GCNT2: variants seen among roughly 807,000 people sequenced by gnomAD.
The protein encoded by GCNT2 is glucosaminyl (N-acetyl) transferase 2 (I blood group), also known as N-acetyllactosaminide beta-1,6-N-acetylglucosaminyl-transferase.
GCNT2 carries 34 observed loss-of-function variants against 34.2 expected under a neutral mutation model. That is an observed-to-expected ratio of 1.00 (90% confidence interval 0.76 to 1.32). The LOEUF is 1.32. Among genes scored for constraint, GCNT2 ranks in the 40% most tolerant of loss-of-function variants. The probability of loss-of-function intolerance (pLI) is 0.00; values close to 1 mark genes in which losing one functional copy is unlikely to be tolerated. For synonymous variants in GCNT2, 212 were observed against 188.0 expected, an observed-to-expected ratio of 1.13 and a Z score of -1.04; for missense variants, 584 against 489.4, an observed-to-expected ratio of 1.19 and a Z score of -1.82.
At chr6:10,561,788 G>A (rs1322651300) in intron 3 of GCNT2, among the ~76,000 whole-genome samples, 4 of 147,986 alleles carry the variant, frequency 2.7e-5, no homozygotes, top group Non-Finnish European at 4.5e-5. Context: ...CATTTATTTC[G>A]TTTCCTTTTT....
chr6:10,585,031 C>CTGTGTG (rs1554133958), intron 3 of GCNT2, among the ~76,000 whole-genome samples: 1 of 97,264 alleles, frequency 1.0e-5, no homozygotes, highest in Non-Finnish European at 2.0e-5. Flanking sequence ...TTCCCATAGT[C>CTGTGTG]AGTGTGTGTG....
intron 3 of GCNT2, among the ~76,000 whole-genome samples, chr6:10,604,589 G>C (rs1765229418): frequency 6.6e-6 from 1 of 152,160 alleles, no homozygotes; most frequent in Non-Finnish European, 1.5e-5. Flanking sequence ...GGCCAGGTGT[G>C]CTGGCTCACG....
intron 3 of GCNT2, among the ~76,000 whole-genome samples, chr6:10,545,797 C>T (rs947997793): frequency 6.6e-6 from 1 of 152,114 alleles, no homozygotes; most frequent in African/African-American, 2.4e-5. Context: ...TGCTTTTCAG[C>T]TCCCAGGCAA....
chr6:10,532,596 C>T (rs1308917312), intron 3 of GCNT2, among the ~76,000 whole-genome samples: 1 of 152,174 alleles, frequency 6.6e-6, no homozygotes, highest in Non-Finnish European at 1.5e-5. Flanking sequence ...TCAAGCCTTC[C>T]AAGAGGCTGG....
chr6:10,586,501 T>C, intron 3 of GCNT2: 4 of 1,614,214 alleles, frequency 2.5e-6, no homozygotes, highest in Non-Finnish European at 3.4e-6. Context: ...CAGGCTGACC[T>C]GAACTGTCTG....
Position 10,604,427 on chromosome 6 carries a change from A to G in GCNT2, c.926-16924A>G, listed in dbSNP as rs956595302. On this transcript the variant is annotated intron_variant, in intron 3 of 4. Coordinates refer to ENST00000495262, the MANE Select transcript of GCNT2 (RefSeq NM_145649.5). ...AATTTGAGGGAGTTGGAAAATAAAC[A>G]ATTGGCTACTTCTTTGAACTTTTCT... 2.6e-4 allele frequency among the ~76,000 whole-genome samples: 39 copies of G among 152,226 alleles called. 1 individual carries two copies. Among genetic ancestry groups the G allele is most frequent in the Admixed American group, 2.1e-3 (32 of 15,278 alleles).
At chr6:10,577,529 G>A (rs369484780) in intron 3 of GCNT2, among the ~76,000 whole-genome samples, 12 of 152,038 alleles carry the variant, frequency 7.9e-5, no homozygotes, top group Admixed American at 4.6e-4. Flanking sequence ...TGTTGAATGC[G>A]TTTATTTTTT....
chr6:10,575,814 C>G (rs767476821), intron 3 of GCNT2, among the ~76,000 whole-genome samples: 3 of 152,134 alleles, frequency 2.0e-5, no homozygotes. Flanking sequence ...TTTCCTGGCT[C>G]GTCCTGGCTC....
At chr6:10,577,832 C>T (rs1295490212) in intron 3 of GCNT2, among the ~76,000 whole-genome samples, 2 of 152,062 alleles carry the variant, frequency 1.3e-5, no homozygotes, top group Non-Finnish European at 2.9e-5. Context: ...TGAGCTGCTG[C>T]ACCCGGCCTA....
intron 3 of GCNT2, among the ~76,000 whole-genome samples, chr6:10,555,020 C>T (rs928418646): frequency 1.3e-5 from 2 of 152,152 alleles, no homozygotes; most frequent in African/African-American, 4.8e-5. Context: ...ATTGTGAAGG[C>T]AAGGAATCCG....
At chr6:10,617,750 C>CTTTTTTTTTTTTTTTTTTTTTTT (rs3064178) in intron 3 of GCNT2, among the ~76,000 whole-genome samples, 1 of 101,740 alleles carries the variant, frequency 9.8e-6, no homozygotes, top group African/African-American at 5.0e-5. Context: ...TGCATTTCTT[C>CTTTTTTTTTTTTTTTTTTTTTTT]TTTTTTTTTT....
chr6:10,579,556 C>T (rs1158596953), intron 3 of GCNT2, among the ~76,000 whole-genome samples: 1 of 151,978 alleles, frequency 6.6e-6, no homozygotes, highest in Non-Finnish European at 1.5e-5. Flanking sequence ...TAGCTCATGC[C>T]TATAATCCCA....
intron 3 of GCNT2, among the ~76,000 whole-genome samples, chr6:10,531,847 C>T (rs965510715): frequency 1.3e-4 from 19 of 148,642 alleles, no homozygotes; most frequent in African/African-American, 4.7e-4. Flanking sequence ...AAGAGAGCAG[C>T]CAGGGAGGTA....
chr6:10,537,863 A>C (rs904784218), intron 3 of GCNT2, among the ~76,000 whole-genome samples: 3 of 152,052 alleles, frequency 2.0e-5, no homozygotes, highest in African/African-American at 7.2e-5. Flanking sequence ...TCTTACACAA[A>C]GCCTATTTTA....
intron 3 of GCNT2, among the ~76,000 whole-genome samples, chr6:10,618,178 AAG>A (rs1159485786): frequency 1.3e-4 from 20 of 152,320 alleles, no homozygotes; most frequent in African/African-American, 4.8e-4. Context: ...TCTTTGCAAA[AAG>A]AGTAGAATTC....
intron 3 of GCNT2, among the ~76,000 whole-genome samples, chr6:10,592,404 A>C (rs994328177): frequency 1.3e-5 from 2 of 152,188 alleles, no homozygotes; most frequent in Non-Finnish European, 2.9e-5. Context: ...CAGGTCAGTA[A>C]TTCAGGTAGG....
At chr6:10,598,158 A>G (rs1192503288) in intron 3 of GCNT2, among the ~76,000 whole-genome samples, 1 of 152,208 alleles carries the variant, frequency 6.6e-6, no homozygotes, top group Non-Finnish European at 1.5e-5. Flanking sequence ...CATGCAGTGA[A>G]AAAAGCAGAA....
At chr6:10,592,377 G>A (rs1015525399) in intron 3 of GCNT2, among the ~76,000 whole-genome samples, 5 of 152,162 alleles carry the variant, frequency 3.3e-5, no homozygotes, top group Admixed American at 2.6e-4. Flanking sequence ...CTTCAGTAAA[G>A]GGCTCTAGGC....
chr6:10,529,953 CAAATT>C (rs1288846433), intron 3 of GCNT2, 117 bp downstream of exon 3: 6 of 855,366 alleles, frequency 7.0e-6, no homozygotes, highest in South Asian at 4.6e-5. Context: ...TTTTAAATGT[CAAATT>C]AAAAAAAAAA....
Sources: allele counts gnomAD v4.1 joint callset (sites outside exome capture counted in the v4.1 genomes callset), GRCh38; gene constraint gnomAD v4.1.1; transcripts MANE v1.5; gene names NCBI Gene and HGNC (gene_info 2026-07-23, HGNC 2026-07-21).